Variants in TRAK1 observed in about 807,000 individuals in gnomAD.
TRAK1 encodes the protein trafficking kinesin protein 1.
In TRAK1, 33 loss-of-function variants were observed where a neutral mutation model predicts 92.1. That is an observed-to-expected ratio of 0.36 (90% CI 0.27 to 0.48). The LOEUF (loss-of-function observed/expected upper bound fraction) is 0.48. Among genes scored for constraint, TRAK1 ranks in the 20% least tolerant of loss-of-function variants. TRAK1 has a pLI of 0.99. For synonymous variants in TRAK1, 521 were observed against 517.3 expected (o/e 1.01, Z -0.10); for missense variants, 1,123 against 1,257.9 (o/e 0.89, Z 1.62).
chr3:42,194,851 T>C lies in TRAK1; in HGVS notation c.1023T>C (p.His341=). 2 of 1,613,974 alleles carry C rather than the reference T, an allele frequency of 1.2e-6. No homozygotes were observed. Among genetic ancestry groups the C allele is most frequent in the Admixed American group, 1.7e-5 (1 of 59,988 alleles). The change falls in exon 10 of 16, where the codon CAT becomes CAC. Residue 341 remains histidine (H), a synonymous_variant. Coordinates refer to ENST00000327628, the MANE Select transcript of TRAK1 (RefSeq NM_001042646.3). ...ACGCAGAGTGCATGGAGATGCTGCA[T>C]GAGGCGCAGGAGGAGCTGAAGAACC... is the stretch of plus-strand genomic sequence containing the variant. The part of the protein sequence containing the change: ...DKYAECMEML[H]EAQEELKNLR...
intron 1 of TRAK1, among the ~76,000 whole-genome samples, chr3:42,104,319 C>G (rs570188295): frequency 6.6e-6 from 1 of 152,174 alleles, no homozygotes; most frequent in Non-Finnish European, 1.5e-5. Context: ...ACTTAAATGT[C>G]CCTGTCTGAC....
In TRAK1 at chr3:42,196,021, C is replaced by G. The variant is rs555781823; in HGVS notation, c.1113+1080C>G. On this transcript the variant is annotated intron_variant, in intron 10 of 15. Coordinates refer to ENST00000327628, the MANE Select transcript of TRAK1 (RefSeq NM_001042646.3). ...TCCACTCCACTGCCTTCCCCACTCT[C>G]AAGGGCAGACCTCTCTTTGAAAACT... 3.9e-5 allele frequency among the ~76,000 whole-genome samples: 6 copies of G among 152,332 alleles called. No individual in the cohort carries two copies. In the South Asian group the frequency reaches 1.2e-3, roughly 32 times the overall value.
rs143862556 is a variant in TRAK1 at position 42,039,510 on chromosome 3, C to T, written c.-519+25393C>T. Reference sequence around the variant, plus strand: ...TTCCAAGTAGCTGGGACTGCAGGTGCACACCAACATGCCCAGCTAATTTTT... The same window carrying T: ...TTCCAAGTAGCTGGGACTGCAGGTGTACACCAACATGCCCAGCTAATTTTT... On this transcript the variant is annotated intron_variant, in intron 1 of 16. Coordinates refer to the TRAK1 transcript ENST00000487159. Among the ~76,000 whole-genome samples the T allele has an allele frequency of 6.8e-3, 1,040 of 152,248 alleles. 53 individuals carry two copies. In the East Asian group the frequency reaches 0.14, roughly 20 times the overall value.
chr3:42,111,864 A>C lies in TRAK1; in HGVS notation c.92-13556A>C, dbSNP rs571354258. Among the ~76,000 whole-genome samples the C allele has an allele frequency of 1.2e-4, 18 of 151,010 alleles. No individual in the cohort carries two copies. In the East Asian group the frequency reaches 3.5e-3, roughly 29 times the overall value. On this transcript the variant is annotated intron_variant, in intron 1 of 15. Coordinates refer to ENST00000327628, the MANE Select transcript of TRAK1 (RefSeq NM_001042646.3). ...CCTTATATAGTATTTTACAGGGATA[A>C]GTATGAAATTTGCCAACACTTGTTT...
intron 10 of TRAK1, among the ~76,000 whole-genome samples, chr3:42,195,387 C>T (rs918637782): frequency 3.3e-5 from 5 of 152,242 alleles, no homozygotes; most frequent in Non-Finnish European, 5.9e-5. Context: ...AACTCAAGAA[C>T]TCCTGTGTAT....
At chr3:42,161,018 A>T (rs960522718) in intron 2 of TRAK1, among the ~76,000 whole-genome samples, 12 of 152,176 alleles carry the variant, frequency 7.9e-5, no homozygotes, top group East Asian at 1.9e-4. Context: ...GTTTATTTTT[A>T]AAAAAATTAT....
chr3:42,116,875 C>T (rs1256423209), intron 1 of TRAK1, among the ~76,000 whole-genome samples: 1 of 152,116 alleles, frequency 6.6e-6, no homozygotes, highest in African/African-American at 2.4e-5. Context: ...GCGAAGGTCC[C>T]TTTTCTTGTT....
At chr3:42,140,405 G>A (rs530650887) in intron 2 of TRAK1, among the ~76,000 whole-genome samples, 2 of 152,272 alleles carry the variant, frequency 1.3e-5, no homozygotes, top group East Asian at 1.9e-4. Flanking sequence ...TGAGGCAGGC[G>A]GATCATGAGG....
chr3:42,068,809 C>G (rs1312694980), intron 1 of TRAK1, among the ~76,000 whole-genome samples: 1 of 152,124 alleles, frequency 6.6e-6, no homozygotes, highest in Non-Finnish European at 1.5e-5. Flanking sequence ...GTGCATTTTT[C>G]TTTACATTAT....
chr3:42,083,674 AT>A (rs1704535624), upstream of TRAK1, among the ~76,000 whole-genome samples: 1 of 152,194 alleles, frequency 6.6e-6, no homozygotes, highest in African/African-American at 2.4e-5. Context: ...CAGTAGTTCC[AT>A]ACCAGCATGG....
At chr3:42,049,176 A>G (rs950220673) in intron 1 of TRAK1, among the ~76,000 whole-genome samples, 31 of 152,214 alleles carry the variant, frequency 2.0e-4, no homozygotes, top group African/African-American at 3.4e-4. Flanking sequence ...CCCAGCAGGG[A>G]TGTTATTTTT....
intron 13 of TRAK1, among the ~76,000 whole-genome samples, chr3:42,207,250 G>T (rs1479471040): frequency 6.6e-6 from 1 of 152,202 alleles, no homozygotes; most frequent in African/African-American, 2.4e-5. Context: ...GAATGTGCCT[G>T]CACAGCCAGT....
At chr3:42,064,023 C>G (rs1323482682) in intron 1 of TRAK1, among the ~76,000 whole-genome samples, 1 of 152,156 alleles carries the variant, frequency 6.6e-6, no homozygotes, top group Non-Finnish European at 1.5e-5. Flanking sequence ...ATTATATCCA[C>G]GTGAGAGAGA....
chr3:42,170,824 C>CTTT (rs772908047), intron 2 of TRAK1, among the ~76,000 whole-genome samples: 1 of 139,650 alleles, frequency 7.2e-6, no homozygotes, highest in Non-Finnish European at 1.6e-5. Context: ...TCTTGAATAT[C>CTTT]TTTTTTTTTT....
intron 3 of TRAK1, among the ~76,000 whole-genome samples, chr3:42,182,695 G>A (rs1002707655): frequency 1.3e-5 from 2 of 152,220 alleles, no homozygotes; most frequent in Non-Finnish European, 2.9e-5. Flanking sequence ...TCCTGCAAGA[G>A]GGAGCCAAAG....
intron 2 of TRAK1, among the ~76,000 whole-genome samples, chr3:42,165,802 TG>T (rs1340210811): frequency 6.6e-6 from 1 of 152,098 alleles, no homozygotes; most frequent in Non-Finnish European, 1.5e-5. Context: ...TGTCTCCGCT[TG>T]GGATTTGGTC....
chr3:42,014,337 G>T (rs544187338), intron 1 of TRAK1, among the ~76,000 whole-genome samples: 5 of 152,288 alleles, frequency 3.3e-5, no homozygotes, highest in Non-Finnish European at 5.9e-5. Context: ...GCCACGCCGC[G>T]TGGCCTGGAT....
At chr3:42,188,277 A>G in intron 5 of TRAK1, 132 bp downstream of exon 5, 1 of 765,612 alleles carries the variant, frequency 1.3e-6, no homozygotes, top group Admixed American at 2.0e-5. Flanking sequence ...TCTCTGGACC[A>G]AACACCTCCA....
Position 42,202,680 on chromosome 3 carries a change from G to A in TRAK1, c.1672G>A (p.Gly558Ser), listed in dbSNP as rs112579771. The A allele has an allele frequency of 6.4e-5, 103 of 1,613,302 alleles. No homozygotes were observed. In the African/African-American group the frequency reaches 1.0e-3, roughly 16 times the overall value. ...GCACTCCCGCTTCTCCGAGTTCACC[G>A]GCTTCTCTGGCATGTCCTTCAGCAG... ...GTHSRFSEFTGFSGMSFSSRS... is the reference protein window; with the variant it reads ...GTHSRFSEFTSFSGMSFSSRS... Residue 558 changes from glycine (G) to serine (S), a missense_variant, in exon 13 of 16, where the codon GGC becomes AGC. Transcript: ENST00000327628. This position sits in a 1 kb window ranked among gnomAD's most constrained non-coding sequence, Gnocchi z 6.1.
Sources: allele counts gnomAD v4.1 joint callset (sites outside exome capture counted in the v4.1 genomes callset), GRCh38; gene constraint gnomAD v4.1.1; non-coding constraint Gnocchi (gnomAD v3.1); transcripts MANE v1.5; gene names NCBI Gene and HGNC (gene_info 2026-07-23, HGNC 2026-07-21).